The following ANK1 variants were observed in gnomAD, a reference collection of about 807,000 sequenced individuals.
The protein encoded by ANK1 is ankyrin-1.
Under a neutral mutation model 210.4 loss-of-function variants are expected in ANK1, and 51 were observed. The observed-to-expected ratio is 0.24, with a 90% confidence interval of 0.19 to 0.31. ANK1 has a LOEUF of 0.31. Among genes scored for constraint, ANK1 ranks in the 10% least tolerant of loss-of-function variants. The pLI is 1.00. For synonymous variants in ANK1, 967 were observed against 1,025.9 expected (o/e 0.94, Z 1.10); for missense variants, 2,051 against 2,504.4 (o/e 0.82, Z 3.86).
rs1817636533 is a variant in ANK1 at position 41,686,186 on chromosome 8, G to A, written c.4356C>T (p.Asn1452=). Residue 1452 remains asparagine, a synonymous_variant, in exon 36 of 43, where the codon AAC becomes AAT. Coordinates refer to ENST00000289734, the MANE Select transcript of ANK1 (RefSeq NM_000037.4). ...TTTGGCCTTCACGGATGACCCAGAG[G>A]TTCAGCAAGGCCACACTCTGCTCCA... is the stretch of plus-strand genomic sequence containing the variant. ...SLLEQSVALL[N]LWVIREGQNA... 6.2e-7 allele frequency: 1 copy of A among 1,614,194 alleles called. No homozygotes were observed. Among genetic ancestry groups the A allele is most frequent in the Non-Finnish European group, 8.5e-7 (1 of 1,180,046 alleles).
At position 41,757,037 on chromosome 8, in the gene ANK1, T is replaced by C. The variant is rs1290131014; in HGVS notation, c.129+999A>G. ...AGGGTGGCCACCAGGGGCTGGGGAG[T>C]AGTCGGAAATGGGGCGTTAGTGTTT... On this transcript the variant is annotated intron_variant, in intron 2 of 42. Transcript: ENST00000289734. Among the ~76,000 whole-genome samples, 6 of 151,986 alleles carry C rather than the reference T, an allele frequency of 3.9e-5. No homozygotes were observed. The East Asian group carries it at 1.2e-3, about 29-fold the overall frequency.
Position 41,797,453 on chromosome 8 carries a change from G to T in ANK1, c.27+59C>A. ...TGCTCGCGTGCTGCCTACTGGCGCG[G>T]CCTGGGTGGCCCCCTCCTGACATCT... On this transcript the variant is annotated intron_variant, in intron 1 of 42. Transcript: ENST00000289734. This position sits in a 1 kb window ranked among gnomAD's most constrained non-coding sequence, Gnocchi z 4.0. 1.3e-6 allele frequency: 2 copies of T among 1,514,934 alleles called. No individual in the cohort carries two copies. The highest frequency in any genetic ancestry group is 1.8e-6 in the Non-Finnish European group (2 of 1,102,378). The allele number at this position is 1,514,934 out of a possible 1,614,324, so 93.8% of individuals were successfully genotyped here.
Position 41,701,997 on chromosome 8 carries a change from C to G in ANK1, c.2388+55G>C, listed in dbSNP as rs575918086. On this transcript the variant is annotated intron_variant, in intron 21 of 42. Transcript: ENST00000289734. ...CACTTCCAGAGTAACCCCAGGCACG[C>G]CTGTGCGCCAGGCTGAGTGTGTCTG... The G allele has an allele frequency of 1.7e-5, 27 of 1,560,740 alleles. No individual in the cohort carries two copies. The South Asian group carries it at 2.9e-4, about 17-fold the overall frequency.
At chr8:41,724,646 A>G in intron 6 of ANK1, 92 bp from the exon 7 acceptor site, 1 of 1,124,344 alleles carries the variant, frequency 8.9e-7, no homozygotes, top group Non-Finnish European at 1.3e-6. Context: ...AGGTGGGGCA[A>G]CAGGACTTTA....
intron 2 of ANK1, among the ~76,000 whole-genome samples, chr8:41,755,110 A>T (rs1400235955): frequency 6.6e-6 from 1 of 152,254 alleles, no homozygotes; most frequent in Non-Finnish European, 1.5e-5. Context: ...GCCTCCCCTC[A>T]GCCTGAAGCA....
intron 29 of ANK1, 109 bp downstream of exon 29, chr8:41,693,788 CA>C: frequency 1.1e-5 from 14 of 1,303,990 alleles, no homozygotes; most frequent in Non-Finnish European, 1.5e-5. Flanking sequence ...CCGGGGAAGT[CA>C]ACAAAAACTA....
At chr8:41,752,792 A>C (rs1838036092) in intron 2 of ANK1, among the ~76,000 whole-genome samples, 2 of 77,962 alleles carry the variant, frequency 2.6e-5, no homozygotes. Context: ...TGCTGGGCAC[A>C]CACAGGCCCC....
chr8:41,832,629 C>A (rs1235663375), intron 1 of ANK1, among the ~76,000 whole-genome samples: 1 of 152,224 alleles, frequency 6.6e-6, no homozygotes, highest in African/African-American at 2.4e-5. Context: ...AGGACCCCCT[C>A]TTCTTGTGAG....
chr8:41,877,786 TAAGG>T (rs1183996478), intron 1 of ANK1, among the ~76,000 whole-genome samples: 1 of 152,144 alleles, frequency 6.6e-6, no homozygotes, highest in Admixed American at 6.5e-5. Context: ...ACATCTGAGC[TAAGG>T]ACAACAAAAA....
chr8:41,763,889 CTTTTTTTTTTTTTTTT>C (rs869100297), intron 1 of ANK1, among the ~76,000 whole-genome samples: 7 of 57,810 alleles, frequency 1.2e-4, no homozygotes, highest in African/African-American at 4.9e-4. Flanking sequence ...TTCTTTTTTT[CTTTTTTTTTTTTTTTT>C]TTTTTTTTTG....
At position 41,656,236 on chromosome 8, in the gene ANK1, A is replaced by G. The variant is rs560805774; in HGVS notation, c.*37-483T>C. ...TCACTTTCTCAGTTCAGCTCTGCCA[A>G]CATGCACTGATGTCCGCCATGCGCC... On this transcript the variant is annotated intron_variant, in intron 42 of 42. Transcript: ENST00000289734. 3.9e-5 allele frequency among the ~76,000 whole-genome samples: 6 copies of G among 152,364 alleles called. No homozygotes were observed. The East Asian group carries it at 9.6e-4, about 24-fold the overall frequency.
At chr8:41,884,547 A>T (rs1159074667) in intron 1 of ANK1, among the ~76,000 whole-genome samples, 1 of 151,970 alleles carries the variant, frequency 6.6e-6, no homozygotes, top group Admixed American at 6.6e-5. Context: ...TTAAAGGATG[A>T]GTAGAGGCCG....
intron 20 of ANK1, among the ~76,000 whole-genome samples, chr8:41,702,681 A>G (rs887062661): frequency 6.6e-6 from 1 of 152,262 alleles, no homozygotes; most frequent in Non-Finnish European, 1.5e-5. Context: ...TTCAAAGAGG[A>G]AGAGCTACGT....
chr8:41,883,703 T>C (rs571736825), intron 1 of ANK1, among the ~76,000 whole-genome samples: 74 of 152,182 alleles, frequency 4.9e-4, no homozygotes, highest in Middle Eastern at 3.4e-3. Context: ...GAAGGGATCT[T>C]CCCACCTCAG....
chr8:41,836,818 G>A (rs548306303), intron 1 of ANK1, among the ~76,000 whole-genome samples: 1 of 152,200 alleles, frequency 6.6e-6, no homozygotes, highest in Non-Finnish European at 1.5e-5. Context: ...CACTCAAGAG[G>A]CTGAGGCAGG....
At chr8:41,784,852 T>C (rs576850961) in intron 1 of ANK1, among the ~76,000 whole-genome samples, 63 of 152,230 alleles carry the variant, frequency 4.1e-4, no homozygotes, top group Non-Finnish European at 7.3e-4. Context: ...ATTATGTTCC[T>C]TCAACAAATC....
chr8:41,807,870 T>C (rs1851193258), intron 1 of ANK1, among the ~76,000 whole-genome samples: 1 of 136,108 alleles, frequency 7.3e-6, no homozygotes, highest in Non-Finnish European at 1.5e-5. Flanking sequence ...ACTGGGTTTC[T>C]CTCTACAAAG....
chr8:41,866,731 T>C (rs757863618), intron 1 of ANK1, among the ~76,000 whole-genome samples: 2 of 152,238 alleles, frequency 1.3e-5, no homozygotes, highest in Non-Finnish European at 2.9e-5. Flanking sequence ...GACTGGCTTA[T>C]TTCACTCAGC....
rs1476114611 is a variant in ANK1, at chr8:41,672,413, C to A, written c.5037G>T (p.Gly1679=). ...EVSLVSGHQR[G]QARITHSPTV... ...TGGGGGAATGTGTGATTCGGGCTTG[C>A]CCCCTCTGATGGCCTGAAACAAGAG... The change falls in exon 38 of 43, where the codon GGG becomes GGT. Residue 1679 remains glycine (G), a synonymous_variant. Transcript: ENST00000289734. 2.5e-6 allele frequency: 4 copies of A among 1,614,078 alleles called. No individual in the cohort carries two copies. The highest frequency in any genetic ancestry group is 2.5e-6 in the Non-Finnish European group (3 of 1,180,044).
Sources: gnomAD v4.1 joint callset for allele counts (sites outside exome capture counted in the v4.1 genomes callset) on GRCh38, gnomAD v4.1.1 for gene constraint, Gnocchi (gnomAD v3.1) non-coding constraint, MANE v1.5 for transcripts, NCBI Gene and HGNC (gene_info 2026-07-23, HGNC 2026-07-21) for gene names.